Variants in DHRS12 observed in about 807,000 individuals in gnomAD.
DHRS12 encodes the protein dehydrogenase/reductase SDR family member 12.
A neutral mutation model predicts 32.1 loss-of-function variants in DHRS12; 29 were observed. That is an observed-to-expected ratio of 0.90 (90% CI 0.67 to 1.23). DHRS12 has a LOEUF of 1.23. Ranked by LOEUF, DHRS12 falls within the 50% of genes most tolerant of loss-of-function variation. DHRS12 has a pLI of 0.00. For synonymous variants in DHRS12, 150 were observed against 135.9 expected (o/e 1.10, Z -0.72); for missense variants, 330 against 337.2 (o/e 0.98, Z 0.17).
At chr13:51,765,807 G>T (rs1953728288), downstream of DHRS12, 1 of 152,186 alleles carries the variant, frequency 6.6e-6, no homozygotes, top group African/African-American at 2.4e-5. Context: ...TTTAAAGATG[G>T]TAAGGGTGGA....
intron 1 of DHRS12, among the ~76,000 whole-genome samples, chr13:51,801,881 A>G (rs1955771666): frequency 6.6e-6 from 1 of 152,202 alleles, no homozygotes; most frequent in Non-Finnish European, 1.5e-5. Flanking sequence ...TCTGGGCTCC[A>G]CACTGATCCG....
At chr13:51,757,715 A>G in the DHRS12 span, among the ~76,000 whole-genome samples, 274 of 152,192 alleles carry the variant, frequency 1.8e-3, no homozygotes, top group African/African-American at 5.9e-3. Flanking sequence ...TTAGAATACT[A>G]TAGAAAAACC....
intron 1 of DHRS12, among the ~76,000 whole-genome samples, chr13:51,800,352 CTTT>C (rs1426611857): frequency 6.6e-6 from 1 of 152,178 alleles, no homozygotes; most frequent in Non-Finnish European, 1.5e-5. Flanking sequence ...ATTGTGAGTT[CTTT>C]AACTGTTTCT....
chr13:51,790,238 A>G, intron 3 of DHRS12, 146 bp from the exon 4 acceptor site: 1 of 623,964 alleles, frequency 1.6e-6, no homozygotes, highest in Non-Finnish European at 2.7e-6. Context: ...CTTTACTCCA[A>G]ACCCTTTGCA....
chr13:51,794,877 C>A (rs1955442878), intron 2 of DHRS12, among the ~76,000 whole-genome samples: 1 of 151,876 alleles, frequency 6.6e-6, no homozygotes, highest in Non-Finnish European at 1.5e-5. Flanking sequence ...TGAACTGCAA[C>A]CAGAAGCCTG....
intron 2 of DHRS12, among the ~76,000 whole-genome samples, chr13:51,795,546 G>A (rs1955476962): frequency 6.6e-6 from 1 of 152,128 alleles, no homozygotes; most frequent in Non-Finnish European, 1.5e-5. Context: ...AGAGGGAACT[G>A]AACGCAGGGA....
chr13:51,788,755 G>A (rs1955117485), intron 4 of DHRS12, among the ~76,000 whole-genome samples: 1 of 152,008 alleles, frequency 6.6e-6, no homozygotes, highest in African/African-American at 2.4e-5. Context: ...AGCTACTTGG[G>A]AGCGTGAGGT....
the DHRS12 span, chr13:51,758,250 G>A: frequency 4.4e-6 from 7 of 1,601,814 alleles, no homozygotes; most frequent in African/African-American, 1.3e-5. Context: ...TGTGCATTTC[G>A]ATGCAACCAG....
Position 51,789,757 on chromosome 13 carries a change from A to T in DHRS12, c.301+254T>A, listed in dbSNP as rs147650200. 9.4e-5 allele frequency: 93 copies of T among 985,464 alleles called. No homozygotes were observed. The East Asian group carries it at 8.5e-3, about 90-fold the overall frequency. 61.0% of individuals were successfully genotyped at this position (985,464 alleles called of 1,614,324 possible). ...CTCTCCTCTTCAAAACAATGTCTAT[A>T]AACAGCCTAGCGCTTCCTAGGAAAA... On this transcript the variant is annotated intron_variant, in intron 4 of 8. Transcript: ENST00000444610.
intron 6 of DHRS12, chr13:51,772,552 T>C (rs1387363713): frequency 1.2e-6 from 1 of 868,142 alleles, no homozygotes. Context: ...GAGGCTGAGG[T>C]AGGAGAATTG....
intron 4 of DHRS12, among the ~76,000 whole-genome samples, chr13:51,781,284 C>A (rs920830097): frequency 6.6e-6 from 1 of 152,194 alleles, no homozygotes; most frequent in Admixed American, 6.5e-5. Flanking sequence ...TTGGTTTGGG[C>A]TCAGAGAGTG....
the DHRS12 span, among the ~76,000 whole-genome samples, chr13:51,758,610 C>A: frequency 6.7e-6 from 1 of 148,946 alleles, no homozygotes; most frequent in Non-Finnish European, 1.5e-5. Flanking sequence ...GAACCTATTA[C>A]AAACCTGATA....
intron 2 of DHRS12, among the ~76,000 whole-genome samples, chr13:51,795,190 A>G (rs972385103): frequency 2.0e-5 from 3 of 152,046 alleles, no homozygotes; most frequent in Non-Finnish European, 2.9e-5. Flanking sequence ...CCTCCTGCCC[A>G]AGGGACCTTC....
chr13:51,803,058 A>C (rs1484722645), intron 1 of DHRS12, among the ~76,000 whole-genome samples: 1 of 152,178 alleles, frequency 6.6e-6, no homozygotes, highest in African/African-American at 2.4e-5. Flanking sequence ...ATTCCCCTAA[A>C]AACTGTGGGA....
chr13:51,758,415 G>A, the DHRS12 span: 9 of 645,904 alleles, frequency 1.4e-5, no homozygotes, highest in African/African-American at 1.3e-4. Context: ...GCCGGCCATG[G>A]TGGCATGTGT....
chr13:51,779,560 A>G (rs927209902), intron 4 of DHRS12, among the ~76,000 whole-genome samples: 7 of 152,124 alleles, frequency 4.6e-5, no homozygotes, highest in African/African-American at 1.7e-4. Flanking sequence ...GCCATATGTG[A>G]CCCAGATGCA....
chr13:51,784,930 A>T (rs930678299), intron 4 of DHRS12, among the ~76,000 whole-genome samples: 1 of 152,232 alleles, frequency 6.6e-6, no homozygotes, highest in Non-Finnish European at 1.5e-5. Context: ...GGCCCTTTAT[A>T]AATGTTTATG....
At chr13:51,771,342 C>T (rs1190007518) in intron 7 of DHRS12, 4 of 1,607,384 alleles carry the variant, frequency 2.5e-6, no homozygotes, top group Middle Eastern at 1.7e-4. Context: ...ATTCTGCTCC[C>T]CTCCACCGCT....
At position 51,782,098 on chromosome 13, in the gene DHRS12, G is replaced by A. The variant is rs1042218814; in HGVS notation, c.302-4977C>T. Reference sequence around the variant, plus strand: ...AAGGACAAGCGGTGACGGAGATGATGCTGGCCACTGGGGTGGGGCCCATTA... The same window carrying A: ...AAGGACAAGCGGTGACGGAGATGATACTGGCCACTGGGGTGGGGCCCATTA... On this transcript the variant is annotated intron_variant, in intron 4 of 8. Transcript: ENST00000444610. This position sits in a 1 kb window ranked among gnomAD's most constrained non-coding sequence, Gnocchi z 4.2. Among the ~76,000 whole-genome samples, 1 of 152,170 alleles carries A rather than the reference G, an allele frequency of 6.6e-6. No homozygotes were observed. The highest frequency in any genetic ancestry group is 1.9e-4 in the East Asian group (1 of 5,166).
Sources: gnomAD v4.1 joint callset for allele counts (sites outside exome capture counted in the v4.1 genomes callset) on GRCh38, gnomAD v4.1.1 for gene constraint, Gnocchi (gnomAD v3.1) non-coding constraint, MANE v1.5 for transcripts, NCBI Gene and HGNC (gene_info 2026-07-23, HGNC 2026-07-21) for gene names.